CNTN5: variants seen among roughly 807,000 people sequenced by gnomAD.
CNTN5 encodes the protein contactin 5, also known as contactin-5.
CNTN5 carries 77 observed loss-of-function variants against 129.1 expected under a neutral mutation model. That is an observed-to-expected ratio of 0.60 (90% CI 0.50 to 0.72). CNTN5 has a LOEUF of 0.72. CNTN5 is among the 30% of genes least tolerant of loss of function. The pLI, the probability that CNTN5 is intolerant of heterozygous loss-of-function variation, is 0.00. For missense variants in CNTN5, 1,478 were observed against 1,328.8 expected (o/e 1.11, Z -1.75); for synonymous variants, 509 against 465.6 (o/e 1.09, Z -1.20).
intron 15 of CNTN5, among the ~76,000 whole-genome samples, chr11:100,222,809 G>A (rs73561237): frequency 0.031 from 4,679 of 152,064 alleles, 237 homozygotes; most frequent in African/African-American, 0.11. Context: ...CCTGTAGTGT[G>A]CACAGCCATT....
chr11:99,193,857 T>C (rs1189528539), intron 1 of CNTN5, among the ~76,000 whole-genome samples: 1 of 152,214 alleles, frequency 6.6e-6, no homozygotes, highest in Non-Finnish European at 1.5e-5. Context: ...AAAATTTTTG[T>C]AATCAGACAC....
At chr11:99,728,784 G>C (rs539793143) in intron 3 of CNTN5, among the ~76,000 whole-genome samples, 3 of 152,280 alleles carry the variant, frequency 2.0e-5, no homozygotes, top group East Asian at 3.9e-4. Flanking sequence ...TCTGAGGTCT[G>C]AGGAGTTAAA....
At chr11:100,236,117 C>T (rs1019680070) in intron 16 of CNTN5, among the ~76,000 whole-genome samples, 1 of 152,128 alleles carries the variant, frequency 6.6e-6, no homozygotes, top group African/African-American at 2.4e-5. Flanking sequence ...TTTATTTTTC[C>T]CTGTTCAGGG....
chr11:99,616,441 T>C lies in CNTN5; in HGVS notation c.55+60172T>C, dbSNP rs58357164. On this transcript the variant is annotated intron_variant, in intron 3 of 24. Transcript: ENST00000524871. ...TACCATGTACTTCATGGTGTTATGA[T>C]AAAATAATTCTGATAATTCACTATG... 5.9e-3 allele frequency among the ~76,000 whole-genome samples: 896 copies of C among 152,276 alleles called. 8 individuals are homozygous for C. The highest frequency in any genetic ancestry group is 0.02 in the African/African-American group (824 of 41,556).
intron 3 of CNTN5, among the ~76,000 whole-genome samples, chr11:99,625,915 T>G (rs932759688): frequency 4.6e-3 from 236 of 51,308 alleles, no homozygotes; most frequent in African/African-American, 0.011. Context: ...TATATATATA[T>G]ATATATATAC....
intron 3 of CNTN5, among the ~76,000 whole-genome samples, chr11:99,668,281 A>G (rs1393984825): frequency 6.6e-6 from 1 of 152,184 alleles, no homozygotes; most frequent in Non-Finnish European, 1.5e-5. Flanking sequence ...ATTCTATTCT[A>G]TGATGCCTCA....
chr11:99,945,020 C>A (rs146871033), intron 7 of CNTN5, among the ~76,000 whole-genome samples: 1 of 151,986 alleles, frequency 6.6e-6, no homozygotes, highest in African/African-American at 2.4e-5. Context: ...ATTTGAGAAT[C>A]GCCCAATGTA....
At chr11:99,353,441 C>CG (rs1270274688) in intron 2 of CNTN5, among the ~76,000 whole-genome samples, 1 of 152,072 alleles carries the variant, frequency 6.6e-6, no homozygotes, top group East Asian at 1.9e-4. Flanking sequence ...AAAGTAAGAG[C>CG]GGGGAATGGT....
At position 99,137,360 on chromosome 11, in the gene CNTN5, T is replaced by A. The variant is rs17133147; in HGVS notation, c.-210+116090T>A. On this transcript the variant is annotated intron_variant, in intron 1 of 24. Coordinates refer to ENST00000524871, the MANE Select transcript of CNTN5 (RefSeq NM_014361.4). The stretch of plus-strand genomic sequence containing the variant: ...ACAAAATTGTCAGATCCATTAGAAC[T>A]GTTTCTGGTCTCTCAAATTTGCGTT... Among the ~76,000 whole-genome samples the A allele has an allele frequency of 8.4e-3, 1,285 of 152,324 alleles. 22 individuals are homozygous for A. The highest frequency in any genetic ancestry group is 0.029 in the African/African-American group (1,193 of 41,582).
intron 1 of CNTN5, among the ~76,000 whole-genome samples, chr11:99,213,268 AAATATATATACATAT>A (rs1859905419): frequency 6.8e-6 from 1 of 146,020 alleles, no homozygotes; most frequent in African/African-American, 2.5e-5. Context: ...CATATATATA[AAATATATATACATAT>A]AATATATATA....
intron 3 of CNTN5, among the ~76,000 whole-genome samples, chr11:99,696,701 A>G (rs116458199): frequency 0.014 from 2,054 of 151,984 alleles, 40 homozygotes; most frequent in African/African-American, 0.046. Context: ...TTTTTATGAC[A>G]GAAAGAAAAC....
At chr11:100,278,544 G>A (rs971179767) in intron 18 of CNTN5, among the ~76,000 whole-genome samples, 3 of 151,808 alleles carry the variant, frequency 2.0e-5, no homozygotes, top group African/African-American at 7.2e-5. Context: ...TAATTCCTAA[G>A]TGTTGTATTT....
At chr11:100,342,504 C>T (rs573551147) in intron 23 of CNTN5, among the ~76,000 whole-genome samples, 18 of 152,138 alleles carry the variant, frequency 1.2e-4, no homozygotes, top group African/African-American at 4.1e-4. Context: ...GTTTAGGTAC[C>T]TTTCAAGTGA....
At chr11:99,820,194 T>G (rs577494394) in intron 4 of CNTN5, among the ~76,000 whole-genome samples, 1 of 21,914 alleles carries the variant, frequency 4.6e-5, no homozygotes, top group East Asian at 5.0e-4. Flanking sequence ...TATGCATTAT[T>G]ATGTAATTGC....
intron 6 of CNTN5, among the ~76,000 whole-genome samples, chr11:99,887,382 A>G (rs1446709310): frequency 1.3e-5 from 2 of 152,240 alleles, no homozygotes; most frequent in Admixed American, 1.3e-4. Context: ...AGGAAGTGTT[A>G]CATAATCATT....
At chr11:100,264,148 G>A (rs970741957) in intron 17 of CNTN5, among the ~76,000 whole-genome samples, 2 of 151,908 alleles carry the variant, frequency 1.3e-5, no homozygotes, top group Admixed American at 1.3e-4. Context: ...AATTATTTTT[G>A]TGTTTGTTTT....
chr11:99,741,341 T>G (rs1293486010), intron 3 of CNTN5, among the ~76,000 whole-genome samples: 1 of 152,142 alleles, frequency 6.6e-6, no homozygotes, highest in African/African-American at 2.4e-5. Context: ...ACCTTTTTAT[T>G]CTTTTTGTAT....
chr11:99,733,184 A>G (rs1182118489), intron 3 of CNTN5, among the ~76,000 whole-genome samples: 1 of 152,012 alleles, frequency 6.6e-6, no homozygotes, highest in Admixed American at 6.6e-5. Context: ...AAAGCCGAGC[A>G]TGGTGAGGGG....
chr11:99,236,142 G>A (rs1861247070), intron 1 of CNTN5, among the ~76,000 whole-genome samples: 1 of 152,048 alleles, frequency 6.6e-6, no homozygotes, highest in South Asian at 2.1e-4. Flanking sequence ...ACCAAGCATT[G>A]TGCAATAATA....
Sources: allele counts gnomAD v4.1 joint callset (sites outside exome capture counted in the v4.1 genomes callset), GRCh38; gene constraint gnomAD v4.1.1; transcripts MANE v1.5; gene names NCBI Gene and HGNC (gene_info 2026-07-23, HGNC 2026-07-21).